Variants in VAC14 observed in about 807,000 individuals in gnomAD.
The protein encoded by VAC14 is protein VAC14 homolog.
VAC14 carries 47 observed loss-of-function variants against 85.3 expected under a neutral mutation model. The observed-to-expected ratio is 0.55, with a 90% CI of 0.44 to 0.70. The LOEUF (loss-of-function observed/expected upper bound fraction) is 0.70. Among genes scored for constraint, VAC14 ranks in the 30% least tolerant of loss-of-function variants. The pLI, the probability that VAC14 is intolerant of heterozygous loss-of-function variation, is 0.00. For missense variants in VAC14, 861 were observed against 1,004.3 expected, an observed-to-expected ratio of 0.86 and a Z score of 1.93; for synonymous variants, 447 against 430.5, an observed-to-expected ratio of 1.04 and a Z score of -0.47.
At chr16:70,717,055 C>A (rs1394290635) in intron 14 of VAC14, among the ~76,000 whole-genome samples, 1 of 152,276 alleles carries the variant, frequency 6.6e-6, no homozygotes, top group Non-Finnish European at 1.5e-5. Flanking sequence ...ACCACCAGGT[C>A]CACACCATTG....
chr16:70,777,416 G>T (rs2033576589), intron 9 of VAC14, among the ~76,000 whole-genome samples: 1 of 152,240 alleles, frequency 6.6e-6, no homozygotes, highest in Admixed American at 6.5e-5. Context: ...GTAGGCAGCT[G>T]TCTGAGGGGA....
At chr16:70,755,198 A>AGAT in intron 12 of VAC14, 1 of 344,958 alleles carries the variant, frequency 2.9e-6, no homozygotes, top group South Asian at 2.1e-5. Context: ...GCCAGGTGGA[A>AGAT]GATGGAGAGG....
chr16:70,800,772 A>T, intron 1 of VAC14, 25 bp downstream of exon 1: 7 of 1,600,460 alleles, frequency 4.4e-6, no homozygotes, highest in Non-Finnish European at 6.0e-6. Context: ...CTGCATAGCC[A>T]GGGAGGGGTC....
intron 14 of VAC14, among the ~76,000 whole-genome samples, chr16:70,709,018 T>C (rs2053976782): frequency 6.6e-6 from 1 of 152,190 alleles, no homozygotes; most frequent in Admixed American, 6.5e-5. Context: ...AGCCCTTGGG[T>C]CCCTGCTGGG....
intron 7 of VAC14, 142 bp downstream of exon 7, chr16:70,782,891 C>T: frequency 1.3e-6 from 1 of 771,052 alleles, no homozygotes; most frequent in South Asian, 1.7e-5. Context: ...CTCCCAGGGC[C>T]CACTGTCACA....
intron 10 of VAC14, chr16:70,768,803 T>G (rs1268980380): frequency 4.4e-6 from 2 of 453,378 alleles, no homozygotes; most frequent in Non-Finnish European, 8.8e-6. Context: ...TGGATGTGCA[T>G]TTTTTTGGTG....
intron 9 of VAC14, chr16:70,773,275 C>T (rs1469812441): frequency 6.6e-5 from 10 of 152,328 alleles, no homozygotes; most frequent in African/African-American, 2.4e-4. Context: ...ACTGTGACTG[C>T]ACTGTGTCTG....
At chr16:70,725,193 G>A (rs540264505) in intron 14 of VAC14, among the ~76,000 whole-genome samples, 70 of 152,318 alleles carry the variant, frequency 4.6e-4, no homozygotes, top group African/African-American at 1.4e-3. Context: ...AGGGGGCACC[G>A]CACAAAGACT....
intron 10 of VAC14, chr16:70,768,500 TATTTC>T (rs1348886817): frequency 4.0e-6 from 1 of 252,132 alleles, no homozygotes. Flanking sequence ...ACCTCCCATG[TATTTC>T]CCATGCTCTG....
chr16:70,772,353 C>T lies in VAC14; in HGVS notation c.1097-181G>A, dbSNP rs1236536371. The stretch of plus-strand genomic sequence containing the variant: ...CCAACGCCCAGTCATTCTCGATAGT[C>T]CCCAAGCTTGTAAGTCTGTAGTCAC... On this transcript the variant is annotated intron_variant, in intron 9 of 18. Transcript: ENST00000261776. The T allele has an allele frequency of 1.2e-5, 7 of 577,334 alleles. No homozygotes were observed. The East Asian group carries it at 1.7e-4, about 14-fold the overall frequency. The allele number at this position is 577,334 out of a possible 1,614,324, so 35.8% of individuals were successfully genotyped here. A position where few individuals can be genotyped will look rare whatever the true frequency, so the allele number is the denominator to read the frequency against.
intron 14 of VAC14, chr16:70,714,945 T>A (rs1238749069): frequency 6.6e-6 from 1 of 152,368 alleles, no homozygotes; most frequent in Non-Finnish European, 1.5e-5. Flanking sequence ...CTTCCCTCCG[T>A]CCCACTGGAA....
Position 70,786,821 on chromosome 16 carries a change from T to C in VAC14, c.105-456A>G, listed in dbSNP as rs2034083557. Among the ~76,000 whole-genome samples, 5 of 152,098 alleles carry C rather than the reference T, an allele frequency of 3.3e-5. No homozygotes were observed. The South Asian group carries it at 1.0e-3, about 32-fold the overall frequency. ...GTAAGAGCCACATGCCAACAAATAA[T>C]TGTAGCAAAGTGGCACCAGTGATAT... is the stretch of plus-strand genomic sequence containing the variant. On this transcript the variant is annotated intron_variant, in intron 1 of 18. Coordinates refer to ENST00000261776, the MANE Select transcript of VAC14 (RefSeq NM_018052.5).
chr16:70,782,576 A>G (rs781119798), intron 7 of VAC14, among the ~76,000 whole-genome samples: 1 of 152,258 alleles, frequency 6.6e-6, no homozygotes, highest in African/African-American at 2.4e-5. Context: ...AACAGCAGGT[A>G]CTTGATTGAG....
In VAC14 at chr16:70,727,528, C is replaced by T. The variant is rs373122092; in HGVS notation, c.1661+3967G>A. Among the ~76,000 whole-genome samples, 81 of 152,214 alleles carry T rather than the reference C, an allele frequency of 5.3e-4. 1 individual carries two copies. Among genetic ancestry groups the T allele is most frequent in the Admixed American group, 3.1e-3 (48 of 15,300 alleles). On this transcript the variant is annotated intron_variant, in intron 14 of 18. Transcript: ENST00000261776. The stretch of plus-strand genomic sequence containing the variant: ...CTAATTTTTATATTTTTAGTAGAAA[C>T]GGGGTTTCGCTATGTTGGCCAGGCT...
chr16:70,732,703 T>A (rs1425516584), intron 13 of VAC14, among the ~76,000 whole-genome samples: 3 of 151,820 alleles, frequency 2.0e-5, no homozygotes, highest in African/African-American at 7.3e-5. Flanking sequence ...AGTGCAGTGG[T>A]GTGATCTTGG....
At chr16:70,693,521 C>T (rs1437962192) in intron 17 of VAC14, among the ~76,000 whole-genome samples, 3 of 152,220 alleles carry the variant, frequency 2.0e-5, no homozygotes, top group Non-Finnish European at 2.9e-5. Context: ...AGCCCCGGAG[C>T]GTCTGGGAGG....
chr16:70,714,328 C>G (rs1170406196), intron 14 of VAC14: 1 of 152,258 alleles, frequency 6.6e-6, no homozygotes, highest in African/African-American at 2.4e-5. Flanking sequence ...GAAATATTCA[C>G]AGACGGGGCA....
At chr16:70,793,588 T>A (rs1342563307) in intron 1 of VAC14, among the ~76,000 whole-genome samples, 2 of 152,174 alleles carry the variant, frequency 1.3e-5, no homozygotes, top group East Asian at 3.9e-4. Context: ...AGGCACATGA[T>A]TTCATTTAAC....
At chr16:70,764,709 T>TA (rs1214036805) in intron 10 of VAC14, among the ~76,000 whole-genome samples, 4 of 152,136 alleles carry the variant, frequency 2.6e-5, no homozygotes, top group African/African-American at 7.2e-5. Context: ...CAAAATCTAT[T>TA]CTCTTTTGTG....
Sources: gnomAD v4.1 joint callset for allele counts (sites outside exome capture counted in the v4.1 genomes callset) on GRCh38, gnomAD v4.1.1 for gene constraint, MANE v1.5 for transcripts, NCBI Gene and HGNC (gene_info 2026-07-23, HGNC 2026-07-21) for gene names.